The following COL3A1 variants were observed in gnomAD, a reference collection of about 807,000 sequenced individuals.
COL3A1 encodes the protein collagen alpha-1(III) chain.
A neutral mutation model predicts 200.9 loss-of-function variants in COL3A1; 46 were observed. The observed-to-expected ratio is 0.23, with a 90% CI of 0.18 to 0.29. The LOEUF (loss-of-function observed/expected upper bound fraction) is 0.29, where lower values mean the gene tolerates loss of function less well. Ranked by LOEUF, COL3A1 falls within the 10% of genes least tolerant of loss-of-function variation. The pLI, the probability that COL3A1 is intolerant of heterozygous loss-of-function variation, is 1.00. For synonymous variants in COL3A1, 650 were observed against 628.0 expected (o/e 1.03, Z -0.52); for missense variants, 1,367 against 1,917.6 (o/e 0.71, Z 5.36).
chr2:188,978,789 T>TAA (rs1431809230), intron 1 of COL3A1, among the ~76,000 whole-genome samples: 1 of 142,300 alleles, frequency 7.0e-6, no homozygotes. Context: ...TCATATAGTG[T>TAA]AAAAAAAAAC....
intron 34 of COL3A1, 104 bp downstream of exon 34, chr2:189,001,693 A>G (rs1278801838): frequency 4.5e-6 from 5 of 1,109,778 alleles, no homozygotes; most frequent in East Asian, 2.4e-5. Flanking sequence ...CTGAGCCTCA[A>G]TTTGGAGATA....
rs1266560070 is a variant in COL3A1 at position 189,005,665 on chromosome 2, G to A, written c.3039+208G>A. On this transcript the variant is annotated intron_variant, in intron 41 of 50. Coordinates refer to ENST00000304636, the MANE Select transcript of COL3A1 (RefSeq NM_000090.4). ...ATTTACCCAATGAATAATCATTTGT[G>A]GAGAAAATATTATCTCTAACTAAAT... 2.2e-5 allele frequency: 14 copies of A among 633,688 alleles called. No homozygotes were observed. The East Asian group carries it at 4.4e-4, about 20-fold the overall frequency. 39.3% of individuals were successfully genotyped at this position (633,688 alleles called of 1,614,324 possible).
chr2:188,976,627 T>C (rs1178979590), intron 1 of COL3A1, among the ~76,000 whole-genome samples: 1 of 152,128 alleles, frequency 6.6e-6, no homozygotes, highest in Non-Finnish European at 1.5e-5. Flanking sequence ...GGGTTTCTTA[T>C]ATATGCCCTC....
intron 33 of COL3A1, 40 bp downstream of exon 33, chr2:189,001,490 T>A: frequency 6.2e-7 from 1 of 1,613,776 alleles, no homozygotes. Flanking sequence ...AGAAAATGTC[T>A]CTCTCTTTTG....
chr2:188,991,309 G>T (rs1456487908), intron 11 of COL3A1, among the ~76,000 whole-genome samples, 178 bp from the exon 12 acceptor site: 1 of 152,004 alleles, frequency 6.6e-6, no homozygotes, highest in African/African-American at 2.4e-5. Context: ...TAGTCTTTAA[G>T]TTTTTAAATA....
Position 188,994,520 on chromosome 2 carries a change from C to A in COL3A1, c.1294-21C>A, listed in dbSNP as rs750485954. On this transcript the variant is annotated intron_variant, in intron 18 of 50. Transcript: ENST00000304636. The surrounding 1 kb of genome is among the most constrained non-coding windows in gnomAD (Gnocchi z 4.5). ...AGTCGAATCCTCCCTGTGTTTCAAC[C>A]AAGACTTTGTTATACTTTAGGGTGA... The A allele has an allele frequency of 5.0e-6, 8 of 1,613,826 alleles. No individual in the cohort carries two copies. In the South Asian group the frequency reaches 8.8e-5, roughly 18 times the overall value.
In COL3A1 at chr2:189,008,208, C is replaced by T. The variant is rs968383489; in HGVS notation, c.3525+66C>T. ...AATCTTCCAATTTTCAGAAACACAG[C>T]GCATTATGTTTAAATTGAAATAGAG... On this transcript the variant is annotated intron_variant, in intron 47 of 50. Coordinates refer to ENST00000304636, the MANE Select transcript of COL3A1 (RefSeq NM_000090.4). 106 of 1,348,932 alleles carry T rather than the reference C, an allele frequency of 7.9e-5. No homozygotes were observed. The Middle Eastern group carries it at 2.8e-3, about 36-fold the overall frequency. The allele number at this position is 1,348,932 out of a possible 1,614,324, so 83.6% of individuals were successfully genotyped here. A position where few individuals can be genotyped will look rare whatever the true frequency, so the allele number is the denominator to read the frequency against.
rs189223730 is a variant in COL3A1, at chr2:188,984,487, T to G, written c.80-273T>G. Among the ~76,000 whole-genome samples the G allele has an allele frequency of 6.6e-5, 10 of 152,172 alleles. No individual in the cohort carries two copies. In the East Asian group the frequency reaches 1.9e-3, roughly 29 times the overall value. On this transcript the variant is annotated intron_variant, in intron 1 of 50. Transcript: ENST00000304636. ...TTGTGTGATATACATTGATGTTAAT[T>G]CTTACTATAAATGAAATTAAAATAT...
At chr2:188,979,366 T>G (rs1053280800) in intron 1 of COL3A1, among the ~76,000 whole-genome samples, 6 of 151,934 alleles carry the variant, frequency 3.9e-5, no homozygotes, top group African/African-American at 1.4e-4. Context: ...ACATGAATCA[T>G]TTAGTAACTA....
intron 3 of COL3A1, 100 bp from the exon 4 acceptor site, chr2:188,985,565 A>G (rs1384577006): frequency 2.6e-6 from 2 of 771,152 alleles, no homozygotes; most frequent in Non-Finnish European, 2.2e-6. Flanking sequence ...TATTACTTAT[A>G]TTGTTTCCTA....
At chr2:188,998,770 A>T in intron 29 of COL3A1, 52 bp downstream of exon 29, 1 of 1,534,456 alleles carries the variant, frequency 6.5e-7, no homozygotes, top group Non-Finnish European at 9.0e-7. Flanking sequence ...AGAGCAATTG[A>T]TTAGTAGTAT....
At chr2:188,995,235 C>T in intron 21 of COL3A1, 136 bp downstream of exon 21, 1 of 832,050 alleles carries the variant, frequency 1.2e-6, no homozygotes, top group East Asian at 2.7e-5. Flanking sequence ...TAATATAATG[C>T]ATCCTCTGTT....
At chr2:188,995,631 TG>T in intron 21 of COL3A1, 60 bp from the exon 22 acceptor site, 1 of 1,140,462 alleles carries the variant, frequency 8.8e-7, no homozygotes. Flanking sequence ...ACCAAAATAT[TG>T]TTGCTATCTA....
chr2:188,993,039 G>A (rs1268200695), intron 15 of COL3A1, 99 bp downstream of exon 15: 51 of 1,099,364 alleles, frequency 4.6e-5, no homozygotes, highest in Non-Finnish European at 7.1e-5. Context: ...TCAGTCAAAT[G>A]GATAGCTTTT....
intron 34 of COL3A1, among the ~76,000 whole-genome samples, 155 bp downstream of exon 34, chr2:189,001,744 G>A (rs1265517976): frequency 6.6e-6 from 1 of 152,042 alleles, no homozygotes; most frequent in Non-Finnish European, 1.5e-5. Flanking sequence ...TAGCATGCAA[G>A]GGAATGTTAA....
At chr2:188,997,292 G>C (rs765920335) in intron 25 of COL3A1, 44 bp from the exon 26 acceptor site, 162 of 1,612,686 alleles carry the variant, frequency 1.0e-4, no homozygotes, top group Non-Finnish European at 1.3e-4. Context: ...ACTTCTCTCT[G>C]TAATCTGTAT....
intron 11 of COL3A1, 144 bp downstream of exon 11, chr2:188,991,201 CA>C: frequency 1.2e-6 from 1 of 838,976 alleles, no homozygotes. Flanking sequence ...GTAACCAATT[CA>C]GATATTCTAT....
At position 188,994,014 on chromosome 2, in the gene COL3A1, A is replaced by G. The variant is rs753297688; in HGVS notation, c.1150-24A>G. On this transcript the variant is annotated intron_variant, in intron 16 of 50. Coordinates refer to ENST00000304636, the MANE Select transcript of COL3A1 (RefSeq NM_000090.4). This position sits in a 1 kb window ranked among gnomAD's most constrained non-coding sequence, Gnocchi z 4.5. The stretch of plus-strand genomic sequence containing the variant: ...GAACTATTTGCATTACTATTAATAC[A>G]TTATCTGTTTTTTGTATACTTAGGG... 3.7e-6 allele frequency: 6 copies of G among 1,608,442 alleles called. No individual in the cohort carries two copies. The highest frequency in any genetic ancestry group is 4.5e-5 in the East Asian group (2 of 44,848).
chr2:189,005,750 A>G, intron 41 of COL3A1: 1 of 306,162 alleles, frequency 3.3e-6, no homozygotes, highest in Non-Finnish European at 6.0e-6. Flanking sequence ...AAAATATTCT[A>G]CGGTTATCTA....
Sources: allele counts gnomAD v4.1 joint callset (sites outside exome capture counted in the v4.1 genomes callset), GRCh38; gene constraint gnomAD v4.1.1; non-coding constraint Gnocchi (gnomAD v3.1); transcripts MANE v1.5; gene names NCBI Gene and HGNC (gene_info 2026-07-23, HGNC 2026-07-21).